DCDC2: variants seen among roughly 807,000 people sequenced by gnomAD.
DCDC2 encodes the protein doublecortin domain-containing protein 2.
DCDC2 carries 40 observed loss-of-function variants against 50.2 expected under a neutral mutation model. The ratio of observed to expected loss-of-function variants is 0.80; its 90% CI spans 0.62 to 1.04. The LOEUF is 1.04. DCDC2 is among the 50% of genes least tolerant of loss of function. The pLI, the probability that DCDC2 is intolerant of heterozygous loss-of-function variation, is 0.00. For missense variants in DCDC2, 570 were observed against 581.9 expected (o/e 0.98, Z 0.21); for synonymous variants, 234 against 210.6 (o/e 1.11, Z -0.96).
intron 7 of DCDC2, among the ~76,000 whole-genome samples, chr6:24,273,477 T>C (rs989782062): frequency 6.6e-6 from 1 of 152,232 alleles, no homozygotes; most frequent in Non-Finnish European, 1.5e-5. Flanking sequence ...AGGGTGAATG[T>C]GGTGGCAAGA....
chr6:24,381,799 AAAGAAAGGAAGG>A, the DCDC2 span, among the ~76,000 whole-genome samples: 8 of 88,218 alleles, frequency 9.1e-5, no homozygotes, highest in African/African-American at 2.4e-4. Flanking sequence ...GAAAGGAAGG[AAAGAAAGGAAGG>A]AAGGAAGGAA....
At chr6:24,238,593 C>T (rs1193238358) in intron 7 of DCDC2, among the ~76,000 whole-genome samples, 2 of 152,040 alleles carry the variant, frequency 1.3e-5, no homozygotes, top group African/African-American at 4.8e-5. Context: ...GCCACTGCAC[C>T]AGGCCCGAAC....
intron 2 of DCDC2, among the ~76,000 whole-genome samples, chr6:24,312,779 A>C (rs1044055818): frequency 6.6e-6 from 1 of 152,186 alleles, no homozygotes; most frequent in Non-Finnish European, 1.5e-5. Context: ...ACTGTGATCT[A>C]AATGAATACC....
chr6:24,306,353 C>T (rs1759472672), intron 2 of DCDC2, among the ~76,000 whole-genome samples: 1 of 152,142 alleles, frequency 6.6e-6, no homozygotes, highest in African/African-American at 2.4e-5. Flanking sequence ...CTTGATTCTG[C>T]ACTGGGCTCA....
At chr6:24,297,029 A>T (rs1464261707) in intron 4 of DCDC2, among the ~76,000 whole-genome samples, 1 of 152,258 alleles carries the variant, frequency 6.6e-6, no homozygotes, top group South Asian at 2.1e-4. Context: ...TCATTGCAGC[A>T]CTATTCACAG....
chr6:24,268,022 C>A (rs1369747374), intron 7 of DCDC2, among the ~76,000 whole-genome samples: 2 of 152,178 alleles, frequency 1.3e-5, no homozygotes, highest in Non-Finnish European at 2.9e-5. Flanking sequence ...AATAATCCCA[C>A]CAGATGCTCC....
At chr6:24,286,989 G>A (rs1354211090) in intron 6 of DCDC2, among the ~76,000 whole-genome samples, 1 of 151,994 alleles carries the variant, frequency 6.6e-6, no homozygotes, top group Non-Finnish European at 1.5e-5. Flanking sequence ...TACAACCATC[G>A]ACTTATCTAT....
intron 7 of DCDC2, among the ~76,000 whole-genome samples, chr6:24,218,578 G>A (rs188227433): frequency 6.6e-6 from 1 of 152,228 alleles, no homozygotes; most frequent in African/African-American, 2.4e-5. Context: ...CTGCAGTCTT[G>A]ACCTCCTGCC....
intron 4 of DCDC2, among the ~76,000 whole-genome samples, chr6:24,300,165 G>T (rs368500068): frequency 1.3e-5 from 2 of 151,922 alleles, no homozygotes; most frequent in Non-Finnish European, 2.9e-5. Context: ...CAAGGCGGGC[G>T]GATTGCTTGA....
intron 7 of DCDC2, among the ~76,000 whole-genome samples, chr6:24,207,109 A>G (rs1761730027): frequency 6.6e-6 from 1 of 152,256 alleles, no homozygotes; most frequent in Admixed American, 6.5e-5. Flanking sequence ...AAACTATTTT[A>G]AATAGTATTT....
intron 2 of DCDC2, among the ~76,000 whole-genome samples, chr6:24,348,969 T>A (rs978359633): frequency 2.0e-5 from 3 of 152,218 alleles, no homozygotes; most frequent in Admixed American, 6.5e-5. Context: ...CTATATAACA[T>A]GTACCAAAGC....
rs1317730254 is a variant in DCDC2 at position 24,290,202 on chromosome 6, C to G, written c.704+730G>C. On this transcript the variant is annotated intron_variant, in intron 5 of 9. Transcript: ENST00000378454. ...TAGAGACGGGGTTTCACCGTTTTAG[C>G]CGGGATGGTCTCGATCTCCTGACCT... 2.0e-5 allele frequency among the ~76,000 whole-genome samples: 3 copies of G among 150,518 alleles called. No homozygotes were observed. The South Asian group carries it at 6.3e-4, about 32-fold the overall frequency.
At chr6:24,329,919 A>C (rs1011845739) in intron 2 of DCDC2, among the ~76,000 whole-genome samples, 15 of 152,186 alleles carry the variant, frequency 9.9e-5, no homozygotes, top group Admixed American at 6.5e-5. Context: ...CTGGAGGAAA[A>C]ACACATTTAT....
intron 2 of DCDC2, among the ~76,000 whole-genome samples, chr6:24,347,847 CT>C (rs1241280839): frequency 1.3e-5 from 2 of 152,124 alleles, no homozygotes; most frequent in Non-Finnish European, 2.9e-5. Context: ...GAAAAAAAGG[CT>C]TTTAAATTAC....
At chr6:24,261,918 G>A (rs551825275) in intron 7 of DCDC2, among the ~76,000 whole-genome samples, 3 of 152,228 alleles carry the variant, frequency 2.0e-5, no homozygotes, top group Non-Finnish European at 4.4e-5. Flanking sequence ...ATGAGGTGGA[G>A]CAAGACGACC....
At chr6:24,297,519 T>C (rs868407790) in intron 4 of DCDC2, among the ~76,000 whole-genome samples, 1 of 152,208 alleles carries the variant, frequency 6.6e-6, no homozygotes, top group Non-Finnish European at 1.5e-5. Flanking sequence ...GCAACATAAC[T>C]ATACTTTCAT....
chr6:24,192,297 C>A (rs1489524172), intron 8 of DCDC2, among the ~76,000 whole-genome samples: 1 of 151,978 alleles, frequency 6.6e-6, no homozygotes, highest in Non-Finnish European at 1.5e-5. Flanking sequence ...GGATATAGAC[C>A]CCAAAAGAGC....
At chr6:24,237,277 A>C (rs1762465198) in intron 7 of DCDC2, among the ~76,000 whole-genome samples, 1 of 152,220 alleles carries the variant, frequency 6.6e-6, no homozygotes, top group Admixed American at 6.5e-5. Context: ...TATGCTTATT[A>C]GCTAGGTGAT....
At chr6:24,206,972 A>T (rs793862) in intron 7 of DCDC2, among the ~76,000 whole-genome samples, 3 of 151,990 alleles carry the variant, frequency 2.0e-5, no homozygotes, top group Non-Finnish European at 4.4e-5. Context: ...AAAGGAATTC[A>T]TAAGAATAAA....
Sources: gnomAD v4.1 joint callset for allele counts (sites outside exome capture counted in the v4.1 genomes callset) on GRCh38, gnomAD v4.1.1 for gene constraint, MANE v1.5 for transcripts, NCBI Gene and HGNC (gene_info 2026-07-23, HGNC 2026-07-21) for gene names.